The following CREB5 variants were observed in gnomAD, a reference collection of about 807,000 sequenced individuals.
CREB5 encodes cyclic AMP-responsive element-binding protein 5.
A neutral mutation model predicts 57.1 loss-of-function variants in CREB5; 19 were observed. The ratio of observed to expected loss-of-function variants is 0.33; its 90% CI spans 0.23 to 0.49. The LOEUF (loss-of-function observed/expected upper bound fraction) is 0.49. CREB5 is among the 20% of genes least tolerant of loss of function. The pLI, the probability that CREB5 is intolerant of heterozygous loss-of-function variation, is 0.99. For synonymous variants in CREB5, 238 were observed against 238.3 expected, an observed-to-expected ratio of 1.00 and a Z score of 0.01; for missense variants, 579 against 671.6, an observed-to-expected ratio of 0.86 and a Z score of 1.52.
intron 1 of CREB5, among the ~76,000 whole-genome samples, chr7:28,399,407 C>A (rs1787403020): frequency 7.7e-6 from 1 of 129,908 alleles, no homozygotes. Context: ...TACAAAACAG[C>A]ATCATTCTGG....
At chr7:28,638,584 A>G (rs1271523197) in intron 5 of CREB5, among the ~76,000 whole-genome samples, 1 of 151,938 alleles carries the variant, frequency 6.6e-6, no homozygotes, top group East Asian at 1.9e-4. Context: ...TGGGCTCAAG[A>G]CATCCACCAG....
chr7:28,628,567 G>A (rs745678559), intron 5 of CREB5, among the ~76,000 whole-genome samples: 9 of 152,134 alleles, frequency 5.9e-5, no homozygotes, highest in Non-Finnish European at 1.3e-4. Context: ...GTAGCCAGTG[G>A]CAGAAGAAAG....
At chr7:28,409,003 C>T (rs1787655031), upstream of CREB5, among the ~76,000 whole-genome samples, 1 of 152,138 alleles carries the variant, frequency 6.6e-6, no homozygotes, top group Non-Finnish European at 1.5e-5. The surrounding 1 kb of genome is among the most constrained non-coding windows in gnomAD (Gnocchi z 4.4). Context: ...CAGGCCCTCC[C>T]CGCAGAAGAG....
At chr7:28,696,897 C>T (rs1257983914) in intron 5 of CREB5, among the ~76,000 whole-genome samples, 3 of 151,228 alleles carry the variant, frequency 2.0e-5, no homozygotes, top group African/African-American at 7.3e-5. Flanking sequence ...CACACATACT[C>T]ACATTACATA....
Position 28,488,202 on chromosome 7 carries a change from G to C in CREB5, c.31G>C (p.Glu11Gln), listed in dbSNP as rs778707865. Reference sequence around the variant, plus strand: ...TTATGAGGAATCCAAGATGAATTTGGAGCAGGAGAGGCCGTTTGTCTGCAG... The same window carrying C: ...TTATGAGGAATCCAAGATGAATTTGCAGCAGGAGAGGCCGTTTGTCTGCAG... MIYEESKMNL[E>Q]QERPFVCSAP... The change falls in exon 2 of 11, where the codon GAG becomes CAG. Residue 11 changes from glutamate (E) to glutamine (Q), a missense_variant. Glu to Gln is a conservative substitution (Grantham distance 29, BLOSUM62 2). This residue lies in a region of CREB5 where 459 missense variants were observed against 515.7 expected (regional missense o/e 0.89). Coordinates refer to ENST00000357727, the MANE Select transcript of CREB5 (RefSeq NM_182898.4). 2.1e-5 allele frequency: 34 copies of C among 1,613,754 alleles called. No homozygotes were observed. The highest frequency in any genetic ancestry group is 2.7e-5 in the Non-Finnish European group (32 of 1,179,898).
intron 9 of CREB5, among the ~76,000 whole-genome samples, chr7:28,813,841 GCTAA>G (rs1809267776): frequency 6.6e-6 from 1 of 152,128 alleles, no homozygotes. Flanking sequence ...TCGCTAAACA[GCTAA>G]CTGCTTTAGA....
chr7:28,510,159 C>A (rs935274453), intron 4 of CREB5, among the ~76,000 whole-genome samples: 2 of 152,176 alleles, frequency 1.3e-5, no homozygotes, highest in African/African-American at 4.8e-5. Flanking sequence ...TTTACCTACC[C>A]CTTTGACCAG....
chr7:28,338,650 A>G (rs1785874089), intron 1 of CREB5, among the ~76,000 whole-genome samples: 1 of 152,112 alleles, frequency 6.6e-6, no homozygotes, highest in Admixed American at 6.5e-5. Flanking sequence ...GAATTTGACT[A>G]TTGACATCTC....
At chr7:28,631,733 T>C (rs1322460553) in intron 5 of CREB5, among the ~76,000 whole-genome samples, 1 of 152,056 alleles carries the variant, frequency 6.6e-6, no homozygotes, top group African/African-American at 2.4e-5. Flanking sequence ...GTAAGGAAGC[T>C]AGACAAAAAG....
intron 7 of CREB5, among the ~76,000 whole-genome samples, chr7:28,797,197 A>G (rs1298522017): frequency 6.6e-6 from 1 of 152,198 alleles, no homozygotes; most frequent in Non-Finnish European, 1.5e-5. Flanking sequence ...CCTAGCACTT[A>G]GTCTGATCAA....
chr7:28,349,685 G>A (rs983449012), intron 1 of CREB5, among the ~76,000 whole-genome samples: 6 of 152,028 alleles, frequency 3.9e-5, no homozygotes, highest in Non-Finnish European at 7.3e-5. Context: ...GCTTGACCAG[G>A]GACTTTAATT....
intron 5 of CREB5, among the ~76,000 whole-genome samples, chr7:28,573,189 G>T (rs1371435398): frequency 6.6e-6 from 1 of 152,156 alleles, no homozygotes; most frequent in Non-Finnish European, 1.5e-5. Context: ...GAGGAAATGA[G>T]TACTTATTTG....
intron 5 of CREB5, among the ~76,000 whole-genome samples, chr7:28,578,202 G>A (rs1795977900): frequency 6.6e-6 from 1 of 152,202 alleles, no homozygotes; most frequent in Admixed American, 6.5e-5. Flanking sequence ...AGAGTATGTA[G>A]TCTCCCATAA....
intron 1 of CREB5, among the ~76,000 whole-genome samples, chr7:28,316,638 T>C (rs1281556683): frequency 6.6e-6 from 1 of 152,076 alleles, no homozygotes; most frequent in African/African-American, 2.4e-5. Flanking sequence ...AAGTCCCCAG[T>C]GTGTGGTTTC....
At chr7:28,784,757 G>A (rs940539432) in intron 7 of CREB5, among the ~76,000 whole-genome samples, 15 of 152,160 alleles carry the variant, frequency 9.9e-5, no homozygotes, top group South Asian at 2.1e-4. Flanking sequence ...TGAGCGAAAC[G>A]AAGGGTTATG....
At chr7:28,434,733 C>T (rs182638778) in intron 1 of CREB5, among the ~76,000 whole-genome samples, 96 of 152,224 alleles carry the variant, frequency 6.3e-4, no homozygotes, top group African/African-American at 2.2e-3. Flanking sequence ...CCTAGATATT[C>T]AGCAGGAAAG....
At chr7:28,627,135 G>A (rs1370521036) in intron 5 of CREB5, among the ~76,000 whole-genome samples, 1 of 152,224 alleles carries the variant, frequency 6.6e-6, no homozygotes, top group Non-Finnish European at 1.5e-5. Flanking sequence ...TTAAGATGGT[G>A]GTTCATATAA....
intron 2 of CREB5, among the ~76,000 whole-genome samples, chr7:28,491,632 G>T (rs1394264217): frequency 1.3e-5 from 2 of 152,194 alleles, no homozygotes; most frequent in African/African-American, 4.8e-5. Context: ...CATTTAATGT[G>T]GAAGTGTATT....
chr7:28,662,672 A>G (rs1799657111), intron 5 of CREB5, among the ~76,000 whole-genome samples: 1 of 152,190 alleles, frequency 6.6e-6, no homozygotes, highest in Non-Finnish European at 1.5e-5. Flanking sequence ...ACCTGTGAAT[A>G]TGCTGGGAGG....
Sources: allele counts gnomAD v4.1 joint callset (sites outside exome capture counted in the v4.1 genomes callset), GRCh38; gene constraint gnomAD v4.1.1; regional missense constraint gnomAD v4.1.1; non-coding constraint Gnocchi (gnomAD v3.1); transcripts MANE v1.5; gene names NCBI Gene and HGNC (gene_info 2026-07-23, HGNC 2026-07-21).